Variants in SCP2 observed in about 807,000 individuals in gnomAD.
The protein encoded by SCP2 is SCP-2/3-oxoacyl-CoA thiolase.
Under a neutral mutation model 71.4 loss-of-function variants are expected in SCP2, and 48 were observed. The observed-to-expected ratio is 0.67, with a 90% CI of 0.53 to 0.86. The LOEUF (loss-of-function observed/expected upper bound fraction) is 0.86. Among genes scored for constraint, SCP2 ranks in the 40% least tolerant of loss-of-function variants. The pLI is 0.00. For missense variants in SCP2, 560 were observed against 655.6 expected (o/e 0.85, Z 1.59); for synonymous variants, 220 against 218.1 (o/e 1.01, Z -0.08).
intron 11 of SCP2, among the ~76,000 whole-genome samples, chr1:53,012,526 G>A (rs543247301): frequency 6.6e-6 from 1 of 152,268 alleles, no homozygotes; most frequent in East Asian, 1.9e-4. Flanking sequence ...TGCTCCCTTT[G>A]CCCCTCTCTA....
In SCP2 at chr1:52,949,011, A is replaced by G. The variant is rs184743537; in HGVS notation, c.199+931A>G. ...TGTGGGAACCCCTACATCATTTTAA[A>G]TGATTATATGATATTCTACTCTTGA... On this transcript the variant is annotated intron_variant, in intron 3 of 15. Transcript: ENST00000371514. Among the ~76,000 whole-genome samples, 381 of 152,138 alleles carry G rather than the reference A, an allele frequency of 2.5e-3. 1 individual carries two copies. Among genetic ancestry groups the G allele is most frequent in the African/African-American group, 8.8e-3 (366 of 41,514 alleles).
chr1:52,994,118 A>G, intron 11 of SCP2: 1 of 1,059,814 alleles, frequency 9.4e-7, no homozygotes, highest in Non-Finnish European at 1.1e-6. Flanking sequence ...AATAGACTAA[A>G]CTGTTTTCTT....
chr1:52,941,592 G>C (rs1264185792), intron 1 of SCP2, among the ~76,000 whole-genome samples: 1 of 152,006 alleles, frequency 6.6e-6, no homozygotes, highest in African/African-American at 2.4e-5. Flanking sequence ...AAAATTAGCT[G>C]GGCATGGTGG....
intron 11 of SCP2, among the ~76,000 whole-genome samples, chr1:53,007,243 C>T (rs1466887200): frequency 6.6e-6 from 1 of 152,138 alleles, no homozygotes; most frequent in Non-Finnish European, 1.5e-5. Context: ...ACAAGGATAT[C>T]CAGGACTTGA....
intron 14 of SCP2, among the ~76,000 whole-genome samples, chr1:53,046,992 G>T (rs1348023545): frequency 6.6e-6 from 1 of 152,246 alleles, no homozygotes; most frequent in Non-Finnish European, 1.5e-5. Context: ...AGTCACACAA[G>T]GCTACAGTTA....
intron 12 of SCP2, among the ~76,000 whole-genome samples, chr1:53,015,370 T>G (rs1242337766): frequency 6.6e-6 from 1 of 152,208 alleles, no homozygotes; most frequent in Non-Finnish European, 1.5e-5. Flanking sequence ...TGAGGTGGTT[T>G]AGGGAGTCAC....
chr1:52,982,269 G>T (rs1027948452), intron 10 of SCP2, among the ~76,000 whole-genome samples: 11 of 151,998 alleles, frequency 7.2e-5, no homozygotes, highest in African/African-American at 2.7e-4. Context: ...GTCTTCTGGG[G>T]GGTAAAATCT....
chr1:52,937,447 G>A (rs1653843651), intron 1 of SCP2, among the ~76,000 whole-genome samples: 1 of 152,230 alleles, frequency 6.6e-6, no homozygotes, highest in Non-Finnish European at 1.5e-5. Flanking sequence ...TCCTCTTCCA[G>A]CCACTGACCC....
intron 12 of SCP2, among the ~76,000 whole-genome samples, chr1:53,022,327 A>G (rs1431969970): frequency 6.6e-6 from 1 of 152,214 alleles, no homozygotes; most frequent in East Asian, 1.9e-4. Context: ...ATATGGCTGA[A>G]GGTTCCCATT....
rs963005218 is a variant in SCP2 at position 53,039,426 on chromosome 1, C to T, written c.1468+380C>T. ...TTAAGAGGATTCTTTCTTAATTAAC[C>T]GTAAGGCACACGGTCCAGTGCATGG... is the stretch of plus-strand genomic sequence containing the variant. On this transcript the variant is annotated intron_variant, in intron 14 of 15. Coordinates refer to ENST00000371514, the MANE Select transcript of SCP2 (RefSeq NM_002979.5). 2.6e-5 allele frequency among the ~76,000 whole-genome samples: 4 copies of T among 152,178 alleles called. No homozygotes were observed. In the East Asian group the frequency reaches 5.8e-4, roughly 22 times the overall value.
chr1:52,998,418 A>G (rs1046759841), intron 11 of SCP2, among the ~76,000 whole-genome samples: 2 of 152,192 alleles, frequency 1.3e-5, no homozygotes, highest in African/African-American at 4.8e-5. Context: ...CAGCAAAGCA[A>G]GACTTTGTCT....
intron 6 of SCP2, among the ~76,000 whole-genome samples, chr1:52,970,573 A>G (rs1312027964): frequency 6.6e-6 from 1 of 151,684 alleles, no homozygotes; most frequent in African/African-American, 2.4e-5. Context: ...TACCTTTAAG[A>G]TTCCCACCTC....
intron 11 of SCP2, among the ~76,000 whole-genome samples, chr1:52,996,655 T>A (rs1659955138): frequency 6.6e-6 from 1 of 152,108 alleles, no homozygotes; most frequent in Admixed American, 6.5e-5. Context: ...GCTCTACCTC[T>A]CTCATATATT....
chr1:52,976,787 T>A lies in SCP2; in HGVS notation c.674+18T>A. On this transcript the variant is annotated intron_variant, in intron 8 of 15. Transcript: ENST00000371514. ...CAATGTTGGTAAGAAAAATATATTTTAACATTTAATGAGGGAAGTAACTGC... is the reference window on the plus strand; with the variant it reads ...CAATGTTGGTAAGAAAAATATATTTAAACATTTAATGAGGGAAGTAACTGC... 8.3e-7 allele frequency: 1 copy of A among 1,198,582 alleles called. No individual in the cohort carries two copies. The highest frequency in any genetic ancestry group is 1.2e-6 in the Non-Finnish European group (1 of 801,126). 74.2% of individuals were successfully genotyped at this position (1,198,582 alleles called of 1,614,324 possible). A position where few individuals can be genotyped will look rare whatever the true frequency, so the allele number is the denominator to read the frequency against.
At chr1:53,031,984 C>T (rs1662577524) in intron 13 of SCP2, among the ~76,000 whole-genome samples, 1 of 152,172 alleles carries the variant, frequency 6.6e-6, no homozygotes, top group African/African-American at 2.4e-5. Flanking sequence ...CATGGATGCA[C>T]CTGGAAATAG....
intron 14 of SCP2, among the ~76,000 whole-genome samples, chr1:53,043,706 G>A (rs1557632620): frequency 6.6e-6 from 1 of 152,198 alleles, no homozygotes; most frequent in Non-Finnish European, 1.5e-5. Context: ...TATAGCAGCA[G>A]CAGTAGCAGA....
intron 5 of SCP2, among the ~76,000 whole-genome samples, chr1:52,959,701 A>G (rs1324862549): frequency 6.6e-6 from 1 of 151,894 alleles, no homozygotes; most frequent in Non-Finnish European, 1.5e-5. Flanking sequence ...TATTAACCTT[A>G]TTGGTAAAAA....
intron 11 of SCP2, among the ~76,000 whole-genome samples, chr1:53,000,663 G>C (rs985497047): frequency 6.6e-6 from 1 of 152,256 alleles, no homozygotes; most frequent in Middle Eastern, 3.4e-3. Context: ...GCTTTTAAAA[G>C]TATATGTTCT....
chr1:53,003,414 TTCGCCATG>T (rs918391667), intron 11 of SCP2, among the ~76,000 whole-genome samples: 1 of 152,150 alleles, frequency 6.6e-6, no homozygotes, highest in African/African-American at 2.4e-5. Flanking sequence ...GAGACGGGCT[TTCGCCATG>T]TTGCTTAGGC....
Sources: allele counts gnomAD v4.1 joint callset (sites outside exome capture counted in the v4.1 genomes callset), GRCh38; gene constraint gnomAD v4.1.1; transcripts MANE v1.5; gene names NCBI Gene and HGNC (gene_info 2026-07-23, HGNC 2026-07-21).